Variants in CTNND2 observed in about 807,000 individuals in gnomAD.
CTNND2 encodes catenin delta 2.
CTNND2 carries 22 observed loss-of-function variants against 144.4 expected under a neutral mutation model. The ratio of observed to expected loss-of-function variants is 0.15; its 90% CI spans 0.11 to 0.22. The LOEUF (loss-of-function observed/expected upper bound fraction) is 0.22. CTNND2 is among the 10% of genes least tolerant of loss of function. The pLI, the probability that CTNND2 is intolerant of heterozygous loss-of-function variation, is 1.00. For synonymous variants in CTNND2, 751 were observed against 695.6 expected (o/e 1.08, Z -1.25); for missense variants, 1,353 against 1,618.8 (o/e 0.84, Z 2.82).
chr5:11,770,778 G>T lies in CTNND2; in HGVS notation c.38-38506C>A, dbSNP rs142229803. On this transcript the variant is annotated intron_variant, in intron 1 of 21. Coordinates refer to ENST00000304623, the MANE Select transcript of CTNND2 (RefSeq NM_001332.4). ...AAGTTTGAGAACAGTGAGTAGATCA[G>T]AAAAGCAGACACAAAAAGAGAGAGA... is the stretch of plus-strand genomic sequence containing the variant. Among the ~76,000 whole-genome samples the T allele has an allele frequency of 3.8e-3, 572 of 152,210 alleles. 15 individuals carry two copies. The South Asian group carries it at 0.065, about 17-fold the overall frequency.
At chr5:11,189,724 G>A (rs1012347712) in intron 11 of CTNND2, among the ~76,000 whole-genome samples, 6 of 152,084 alleles carry the variant, frequency 3.9e-5, no homozygotes, top group African/African-American at 1.4e-4. Context: ...TCAGCTCTAG[G>A]GGTTGTCAGC....
chr5:11,086,507 C>A (rs1750162423), intron 15 of CTNND2, among the ~76,000 whole-genome samples: 1 of 152,204 alleles, frequency 6.6e-6, no homozygotes, highest in African/African-American at 2.4e-5. Flanking sequence ...CTGAATTTGA[C>A]TGGGTTTGCC....
At chr5:10,994,665 GC>G (rs1462651948) in intron 18 of CTNND2, among the ~76,000 whole-genome samples, 1 of 152,106 alleles carries the variant, frequency 6.6e-6, no homozygotes, top group Non-Finnish European at 1.5e-5. Context: ...AGATGTGAAG[GC>G]CCTGGGTGGG....
intron 5 of CTNND2, among the ~76,000 whole-genome samples, chr5:11,400,202 T>C (rs550071288): frequency 2.0e-5 from 3 of 152,204 alleles, no homozygotes; most frequent in East Asian, 1.9e-4. Flanking sequence ...CCTGAACCTA[T>C]GGAATCTATG....
At chr5:11,303,444 C>G (rs1749818365) in intron 9 of CTNND2, among the ~76,000 whole-genome samples, 2 of 152,200 alleles carry the variant, frequency 1.3e-5, no homozygotes, top group South Asian at 4.1e-4. Flanking sequence ...GCTTTGGCCT[C>G]AGTTTCCTCC....
At chr5:11,788,520 A>ATT (rs1259979946) in intron 1 of CTNND2, among the ~76,000 whole-genome samples, 1 of 152,166 alleles carries the variant, frequency 6.6e-6, no homozygotes, top group Non-Finnish European at 1.5e-5. Context: ...AACAGCACTG[A>ATT]TTGAAAAAGT....
At chr5:11,588,217 T>C (rs1779001799) in intron 2 of CTNND2, among the ~76,000 whole-genome samples, 1 of 152,094 alleles carries the variant, frequency 6.6e-6, no homozygotes, top group African/African-American at 2.4e-5. Flanking sequence ...AATTTTTGGC[T>C]ACTTCACATG....
At chr5:11,611,609 C>T (rs1780330331) in intron 2 of CTNND2, among the ~76,000 whole-genome samples, 1 of 152,032 alleles carries the variant, frequency 6.6e-6, no homozygotes, top group Non-Finnish European at 1.5e-5. Flanking sequence ...GAAACCCCGA[C>T]TCTAATACAA....
At chr5:11,217,108 T>C (rs1439617807) in intron 10 of CTNND2, among the ~76,000 whole-genome samples, 2 of 152,190 alleles carry the variant, frequency 1.3e-5, no homozygotes, top group Non-Finnish European at 2.9e-5. Flanking sequence ...TCACTGGCCA[T>C]TGTCCACAAA....
chr5:11,848,900 T>C (rs1041275818), intron 1 of CTNND2, among the ~76,000 whole-genome samples: 1 of 152,118 alleles, frequency 6.6e-6, no homozygotes, highest in African/African-American at 2.4e-5. Context: ...AAAAAGTACA[T>C]TCTTCCTATG....
At chr5:11,793,498 G>A (rs189635709) in intron 1 of CTNND2, among the ~76,000 whole-genome samples, 92 of 152,256 alleles carry the variant, frequency 6.0e-4, no homozygotes, top group Admixed American at 4.6e-3. Flanking sequence ...ACTGGAGTAG[G>A]GTGAGCTCCT....
At chr5:11,122,721 T>C (rs1754267642) in intron 12 of CTNND2, among the ~76,000 whole-genome samples, 1 of 151,810 alleles carries the variant, frequency 6.6e-6, no homozygotes, top group Non-Finnish European at 1.5e-5. Flanking sequence ...GACCATATAC[T>C]AGTTTGAGGA....
chr5:11,136,676 G>T (rs537048180), intron 12 of CTNND2, among the ~76,000 whole-genome samples: 1 of 152,236 alleles, frequency 6.6e-6, no homozygotes, highest in African/African-American at 2.4e-5. Context: ...GTTCTCTAAG[G>T]CCACCATGTA....
chr5:11,709,977 G>A (rs1287504483), intron 2 of CTNND2, among the ~76,000 whole-genome samples: 1 of 152,140 alleles, frequency 6.6e-6, no homozygotes, highest in Non-Finnish European at 1.5e-5. Flanking sequence ...TAAGATCCAT[G>A]AATGGCATGT....
intron 1 of CTNND2, among the ~76,000 whole-genome samples, chr5:11,816,542 T>C (rs992147666): frequency 6.8e-6 from 1 of 147,706 alleles, no homozygotes; most frequent in Non-Finnish European, 1.5e-5. Flanking sequence ...TAACGGTTTT[T>C]CCTTAAGGCC....
At chr5:11,403,534 T>C (rs188113353) in intron 5 of CTNND2, among the ~76,000 whole-genome samples, 6 of 152,350 alleles carry the variant, frequency 3.9e-5, no homozygotes, top group East Asian at 1.9e-4. Context: ...ATGAGTGAGA[T>C]TGCACATAAT....
intron 9 of CTNND2, among the ~76,000 whole-genome samples, chr5:11,250,508 TATATAC>T (rs1478253985): frequency 0.015 from 1,326 of 87,870 alleles, 18 homozygotes; most frequent in Admixed American, 0.021. Flanking sequence ...TATATATATA[TATATAC>T]ATATATTTTT....
chr5:11,486,557 A>T (rs920739136), intron 3 of CTNND2, among the ~76,000 whole-genome samples: 1 of 152,176 alleles, frequency 6.6e-6, no homozygotes, highest in Non-Finnish European at 1.5e-5. Context: ...GAAAGAAGGA[A>T]GAAACAAAAG....
chr5:11,073,041 C>T (rs936632953), intron 16 of CTNND2, among the ~76,000 whole-genome samples: 1 of 152,156 alleles, frequency 6.6e-6, no homozygotes, highest in African/African-American at 2.4e-5. Context: ...TTTTTGAGAT[C>T]CAGTATAATA....
Sources: gnomAD v4.1 joint callset for allele counts (sites outside exome capture counted in the v4.1 genomes callset) on GRCh38, gnomAD v4.1.1 for gene constraint, MANE v1.5 for transcripts, NCBI Gene and HGNC (gene_info 2026-07-23, HGNC 2026-07-21) for gene names.